Variants in KIF26B observed in about 807,000 individuals in gnomAD.
KIF26B encodes the protein kinesin-like protein KIF26B.
In KIF26B, 63 loss-of-function variants were observed where a neutral mutation model predicts 151.2. That is an observed-to-expected ratio of 0.42 (90% CI 0.34 to 0.51). KIF26B has a LOEUF of 0.51. Ranked by LOEUF, KIF26B falls within the 20% of genes least tolerant of loss-of-function variation. The probability of loss-of-function intolerance (pLI) is 0.07; values close to 1 mark genes in which losing one functional copy is unlikely to be tolerated. For missense variants in KIF26B, 2,813 were observed against 2,913.6 expected (o/e 0.97, Z 0.79); for synonymous variants, 1,357 against 1,262.1 (o/e 1.08, Z -1.59).
intron 10 of KIF26B, among the ~76,000 whole-genome samples, chr1:245,682,259 GAAAAA>G (rs925444389): frequency 6.6e-6 from 1 of 151,160 alleles, no homozygotes; most frequent in Non-Finnish European, 1.5e-5. Flanking sequence ...AAAAAAGAAA[GAAAAA>G]AAAAGTCATC....
chr1:245,199,704 A>T (rs560490469), intron 2 of KIF26B, among the ~76,000 whole-genome samples: 6 of 152,132 alleles, frequency 3.9e-5, no homozygotes, highest in Non-Finnish European at 7.3e-5. Flanking sequence ...GCTTGGTCGC[A>T]AACTCCTGGC....
chr1:245,640,139 C>A lies in KIF26B; in HGVS notation c.2099-5982C>A, dbSNP rs1441375334. Among the ~76,000 whole-genome samples the A allele has an allele frequency of 7.6e-3, 229 of 30,100 alleles. 16 individuals are homozygous for A. The highest frequency in any genetic ancestry group is 0.014 in the Middle Eastern group (1 of 72). The allele number at this position is 30,100 out of a possible 152,430, so 19.7% of individuals were successfully genotyped here. A position where few individuals can be genotyped will look rare whatever the true frequency, so the allele number is the denominator to read the frequency against. ...TAATATTTGCTCTCTCTCTCTCTCT[C>A]TCTCTATATATATATATATATACCC... On this transcript the variant is annotated intron_variant, in intron 9 of 14. Coordinates refer to ENST00000407071, the MANE Select transcript of KIF26B (RefSeq NM_018012.4).
chr1:245,623,580 G>A (rs894787386), intron 9 of KIF26B, among the ~76,000 whole-genome samples: 3 of 152,074 alleles, frequency 2.0e-5, no homozygotes, highest in Admixed American at 6.6e-5. Context: ...TTCGAAATCC[G>A]AGATGCTCCA....
intron 2 of KIF26B, among the ~76,000 whole-genome samples, chr1:245,188,614 G>A (rs977867036): frequency 3.3e-5 from 5 of 152,222 alleles, no homozygotes; most frequent in Non-Finnish European, 7.3e-5. Flanking sequence ...TGTTGCTGCT[G>A]AGAATGTAAA....
rs1308474212 is a variant in KIF26B, at chr1:245,572,868, G to A, written c.1351-29709G>A. Among the ~76,000 whole-genome samples the A allele has an allele frequency of 6.6e-6, 1 of 152,114 alleles. No individual in the cohort carries two copies. Among genetic ancestry groups the A allele is most frequent in the Non-Finnish European group, 1.5e-5 (1 of 68,030 alleles). ...GCGGGGAAATGGTCAGGCGTCCTCT[G>A]TTGGCAAGGGCACCTGTCCCAAGCA... is the stretch of plus-strand genomic sequence containing the variant. On this transcript the variant is annotated intron_variant, in intron 5 of 14. Coordinates refer to ENST00000407071, the MANE Select transcript of KIF26B (RefSeq NM_018012.4). The surrounding 1 kb of genome is among the most constrained non-coding windows in gnomAD (Gnocchi z 4.2).
rs562365391 is a variant in KIF26B at position 245,180,005 on chromosome 1, C to A, written c.465+23322C>A. ...TGGCCAGGGACCCCACCCCCTGCAT[C>A]CTGATGAAGAACTGTAAGAGGACCA... On this transcript the variant is annotated intron_variant, in intron 2 of 14. Coordinates refer to ENST00000407071, the MANE Select transcript of KIF26B (RefSeq NM_018012.4). 3.9e-5 allele frequency among the ~76,000 whole-genome samples: 6 copies of A among 152,294 alleles called. No homozygotes were observed. In the South Asian group the frequency reaches 1.2e-3, roughly 32 times the overall value.
intron 4 of KIF26B, among the ~76,000 whole-genome samples, chr1:245,438,229 C>T (rs920439929): frequency 1.3e-5 from 2 of 152,152 alleles, no homozygotes; most frequent in Non-Finnish European, 2.9e-5. Context: ...TATGTTTCCT[C>T]CTGTCCCCAA....
intron 3 of KIF26B, among the ~76,000 whole-genome samples, chr1:245,406,789 C>T (rs1093940): frequency 0.63 from 95,487 of 151,782 alleles, 30,244 homozygotes; most frequent in African/African-American, 0.69. Flanking sequence ...TATTTTATTA[C>T]TTATTATTAT....
At chr1:245,427,031 C>A (rs1035446103) in intron 4 of KIF26B, among the ~76,000 whole-genome samples, 1 of 152,266 alleles carries the variant, frequency 6.6e-6, no homozygotes, top group Non-Finnish European at 1.5e-5. Flanking sequence ...TGGAACTGTT[C>A]CTGCTTCTTT....
At chr1:245,440,093 A>C (rs1044251266) in intron 4 of KIF26B, among the ~76,000 whole-genome samples, 21 of 151,996 alleles carry the variant, frequency 1.4e-4, no homozygotes, top group South Asian at 4.1e-4. Flanking sequence ...TGGTGGCGGG[A>C]GCCTGTAGTC....
chr1:245,293,330 C>T (rs149126038), intron 2 of KIF26B, among the ~76,000 whole-genome samples: 25 of 152,110 alleles, frequency 1.6e-4, no homozygotes, highest in Non-Finnish European at 3.5e-4. Context: ...GGGTGGTTGA[C>T]GGCCACAGGA....
At chr1:245,223,893 C>G (rs1011576606) in intron 2 of KIF26B, among the ~76,000 whole-genome samples, 2 of 152,230 alleles carry the variant, frequency 1.3e-5, no homozygotes, top group Non-Finnish European at 2.9e-5. Context: ...CACCAACTTA[C>G]AGAAAAAGGA....
chr1:245,332,405 G>A (rs937302930), intron 2 of KIF26B, among the ~76,000 whole-genome samples: 28 of 152,188 alleles, frequency 1.8e-4, no homozygotes, highest in Non-Finnish European at 3.2e-4. Flanking sequence ...ATCAGTGTTC[G>A]CTCCCCAAAT....
intron 5 of KIF26B, among the ~76,000 whole-genome samples, chr1:245,599,631 T>C (rs2043370390): frequency 6.6e-6 from 1 of 152,238 alleles, no homozygotes; most frequent in South Asian, 2.1e-4. Flanking sequence ...CCATCAGCTC[T>C]GCCTGGCGTT....
intron 2 of KIF26B, among the ~76,000 whole-genome samples, chr1:245,327,975 C>T (rs570139429): frequency 1.3e-5 from 2 of 152,254 alleles, no homozygotes; most frequent in East Asian, 3.9e-4. Context: ...TGCCAATCCA[C>T]ACTTAGCCAG....
intron 11 of KIF26B, among the ~76,000 whole-genome samples, chr1:245,684,909 C>T (rs1268316166): frequency 2.0e-5 from 3 of 152,170 alleles, no homozygotes; most frequent in Non-Finnish European, 4.4e-5. Flanking sequence ...TGCTGGACAT[C>T]GCTGGGCTCA....
intron 3 of KIF26B, among the ~76,000 whole-genome samples, chr1:245,397,370 C>G (rs1358313919): frequency 6.6e-6 from 1 of 152,100 alleles, no homozygotes; most frequent in African/African-American, 2.4e-5. Context: ...CATGCACCAC[C>G]ACACCCAGCT....
intron 2 of KIF26B, among the ~76,000 whole-genome samples, chr1:245,264,132 C>T (rs1236458742): frequency 6.6e-6 from 1 of 152,184 alleles, no homozygotes; most frequent in African/African-American, 2.4e-5. Flanking sequence ...AAAGTGTGTT[C>T]CATGATAGAC....
chr1:245,622,818 G>A (rs996637242), intron 9 of KIF26B, among the ~76,000 whole-genome samples: 2 of 152,124 alleles, frequency 1.3e-5, no homozygotes, highest in African/African-American at 4.8e-5. Context: ...CTGGGATTGA[G>A]GCGGGGGGAA....
Sources: gnomAD v4.1 joint callset for allele counts (sites outside exome capture counted in the v4.1 genomes callset) on GRCh38, gnomAD v4.1.1 for gene constraint, Gnocchi (gnomAD v3.1) non-coding constraint, MANE v1.5 for transcripts, NCBI Gene and HGNC (gene_info 2026-07-23, HGNC 2026-07-21) for gene names.